Variants in EYA1 observed in about 807,000 individuals in gnomAD.
The protein encoded by EYA1 is EYA transcriptional coactivator and phosphatase 1.
Under a neutral mutation model 82.0 loss-of-function variants are expected in EYA1, and 16 were observed. That is an observed-to-expected ratio of 0.20 (90% confidence interval 0.13 to 0.30). The LOEUF is 0.30. Ranked by LOEUF, EYA1 falls within the 10% of genes least tolerant of loss-of-function variation. The pLI is 1.00. For synonymous variants in EYA1, 261 were observed against 264.4 expected (o/e 0.99, Z 0.12); for missense variants, 633 against 730.7 (o/e 0.87, Z 1.54).
chr8:71,215,315 T>A, intron 16 of EYA1, 72 bp downstream of exon 16: 1 of 1,480,412 alleles, frequency 6.8e-7, no homozygotes. Flanking sequence ...AAAAGTTTCA[T>A]TTATTGCCTT....
chr8:71,380,872 T>C (rs1828662404), intron 2 of EYA1, among the ~76,000 whole-genome samples: 1 of 152,230 alleles, frequency 6.6e-6, no homozygotes, highest in Admixed American at 6.5e-5. Context: ...GTCCAGCTGA[T>C]GCCCCCTTTA....
At chr8:71,340,484 T>C (rs576529453) in intron 3 of EYA1, among the ~76,000 whole-genome samples, 1 of 152,318 alleles carries the variant, frequency 6.6e-6, no homozygotes, top group Admixed American at 6.5e-5. Context: ...TCCTCAAGTC[T>C]ACAGCTTTGT....
chr8:71,266,312 A>G (rs917921734), intron 11 of EYA1, among the ~76,000 whole-genome samples: 1 of 152,178 alleles, frequency 6.6e-6, no homozygotes, highest in African/African-American at 2.4e-5. Flanking sequence ...TTTTCTCCTC[A>G]GTGCCCTGGG....
intron 2 of EYA1, among the ~76,000 whole-genome samples, chr8:71,389,013 C>T (rs1034998408): frequency 2.6e-5 from 4 of 151,666 alleles, no homozygotes; most frequent in Admixed American, 1.3e-4. Flanking sequence ...CACACGAGAA[C>T]GCCTGCCAAT....
At chr8:71,477,070 T>C (rs1248765999) in intron 2 of EYA1, among the ~76,000 whole-genome samples, 1 of 151,810 alleles carries the variant, frequency 6.6e-6, no homozygotes, top group East Asian at 1.9e-4. Flanking sequence ...AGACCTAAGA[T>C]TAACTAAAAA....
intron 2 of EYA1, among the ~76,000 whole-genome samples, chr8:71,518,574 C>T (rs1813159193): frequency 6.6e-6 from 1 of 152,036 alleles, no homozygotes; most frequent in South Asian, 2.1e-4. Context: ...GCAAAAGCAG[C>T]TAATCAAACA....
chr8:71,318,913 T>G (rs1822216364), intron 6 of EYA1, among the ~76,000 whole-genome samples: 1 of 152,120 alleles, frequency 6.6e-6, no homozygotes, highest in African/African-American at 2.4e-5. Context: ...TTTAAAAATG[T>G]GATTTTCCCT....
At chr8:71,311,611 C>T (rs1821350436) in intron 7 of EYA1, among the ~76,000 whole-genome samples, 3 of 152,236 alleles carry the variant, frequency 2.0e-5, no homozygotes, top group Admixed American at 2.0e-4. Flanking sequence ...CCAAAGCTAA[C>T]ACTGCGGAAC....
intron 2 of EYA1, among the ~76,000 whole-genome samples, chr8:71,376,356 T>TA (rs1828371590): frequency 6.6e-6 from 1 of 152,134 alleles, no homozygotes; most frequent in Non-Finnish European, 1.5e-5. Flanking sequence ...GCTGGCCAGA[T>TA]AAAGAGTGGG....
At chr8:71,371,674 A>G (rs1467846322) in intron 2 of EYA1, among the ~76,000 whole-genome samples, 1 of 152,204 alleles carries the variant, frequency 6.6e-6, no homozygotes, top group Admixed American at 6.5e-5. Context: ...AACTTGCAGG[A>G]AACAGAGATC....
chr8:71,396,146 C>A (rs184487694), intron 2 of EYA1, among the ~76,000 whole-genome samples: 87 of 152,010 alleles, frequency 5.7e-4, no homozygotes, highest in East Asian at 1.5e-3. Flanking sequence ...TATCCCCTTT[C>A]TCATTTTTTA....
intron 3 of EYA1, among the ~76,000 whole-genome samples, chr8:71,336,266 C>T (rs1273988034): frequency 6.6e-6 from 1 of 152,204 alleles, no homozygotes; most frequent in Non-Finnish European, 1.5e-5. Flanking sequence ...GGGCACAGTG[C>T]CACACACTGG....
intron 2 of EYA1, among the ~76,000 whole-genome samples, chr8:71,468,205 C>G (rs893348944): frequency 3.3e-5 from 5 of 152,074 alleles, no homozygotes; most frequent in African/African-American, 1.2e-4. Context: ...ATATAACTTG[C>G]CCAAGTTCAT....
At chr8:71,267,359 G>A (rs1046217850) in intron 11 of EYA1, among the ~76,000 whole-genome samples, 1 of 152,052 alleles carries the variant, frequency 6.6e-6, no homozygotes, top group Non-Finnish European at 1.5e-5. Context: ...TTCTCCTGAT[G>A]ACCATACAGT....
At chr8:71,402,779 C>A (rs1563576524) in intron 2 of EYA1, among the ~76,000 whole-genome samples, 1 of 151,836 alleles carries the variant, frequency 6.6e-6, no homozygotes, top group Non-Finnish European at 1.5e-5. Flanking sequence ...AGCAGAATAA[C>A]AAAGAAAGAC....
chr8:71,291,003 G>GC (rs1365624965), intron 9 of EYA1, among the ~76,000 whole-genome samples: 6 of 152,150 alleles, frequency 3.9e-5, no homozygotes, highest in African/African-American at 7.2e-5. Flanking sequence ...TGAACAAATT[G>GC]CAAACTTTTC....
intron 2 of EYA1, among the ~76,000 whole-genome samples, chr8:71,405,955 T>C (rs1199856171): frequency 1.3e-5 from 2 of 152,180 alleles, no homozygotes; most frequent in Admixed American, 6.5e-5. Context: ...GCAGGAAATA[T>C]AGATGACAGA....
rs371677364 is a variant in EYA1, at chr8:71,394,296, A to T, written c.34-37785T>A. Among the ~76,000 whole-genome samples the T allele has an allele frequency of 3.9e-5, 6 of 152,186 alleles. No homozygotes were observed. The East Asian group carries it at 7.7e-4, about 20-fold the overall frequency. Reference sequence around the variant, plus strand: ...GCTGTGCAGAAGCTCTTTAGTTTAAATAGATCCCTTTTGTCAACTTTCGTT... The same window carrying T: ...GCTGTGCAGAAGCTCTTTAGTTTAATTAGATCCCTTTTGTCAACTTTCGTT... On this transcript the variant is annotated intron_variant, in intron 2 of 18. Transcript: ENST00000643681.
chr8:71,305,933 C>A (rs1820690537), intron 7 of EYA1, among the ~76,000 whole-genome samples: 1 of 152,154 alleles, frequency 6.6e-6, no homozygotes, highest in African/African-American at 2.4e-5. Context: ...CATCTACTGG[C>A]ATTCTTTATA....
Sources: gnomAD v4.1 joint callset for allele counts (sites outside exome capture counted in the v4.1 genomes callset) on GRCh38, gnomAD v4.1.1 for gene constraint, MANE v1.5 for transcripts, NCBI Gene and HGNC (gene_info 2026-07-23, HGNC 2026-07-21) for gene names.